MAGI1: variants seen among roughly 807,000 people sequenced by gnomAD.
MAGI1 encodes membrane-associated guanylate kinase, WW and PDZ domain-containing protein 1.
In MAGI1, 58 loss-of-function variants were observed where a neutral mutation model predicts 139.9. That is an observed-to-expected ratio of 0.41 (90% confidence interval 0.34 to 0.52). The LOEUF (loss-of-function observed/expected upper bound fraction) is 0.52. Ranked by LOEUF, MAGI1 falls within the 20% of genes least tolerant of loss-of-function variation. The pLI, the probability that MAGI1 is intolerant of heterozygous loss-of-function variation, is 0.12. For missense variants in MAGI1, 1,874 were observed against 1,901.6 expected, an observed-to-expected ratio of 0.99 and a Z score of 0.27; for synonymous variants, 812 against 737.9, an observed-to-expected ratio of 1.10 and a Z score of -1.63.
chr3:65,769,616 T>C (rs941789967), intron 1 of MAGI1, among the ~76,000 whole-genome samples: 10 of 152,132 alleles, frequency 6.6e-5, no homozygotes, highest in African/African-American at 2.4e-4. Flanking sequence ...GGACATGCAA[T>C]TGAAAAATGA....
chr3:65,431,394 A>C (rs1307763768), intron 10 of MAGI1, among the ~76,000 whole-genome samples: 2 of 152,226 alleles, frequency 1.3e-5, no homozygotes, highest in Non-Finnish European at 2.9e-5. Flanking sequence ...GTCACAAATA[A>C]TAATTTGACA....
At chr3:65,530,808 C>CATATAT (rs2078666311) in intron 2 of MAGI1, among the ~76,000 whole-genome samples, 2 of 66,738 alleles carry the variant, frequency 3.0e-5, no homozygotes, top group East Asian at 6.3e-4. Context: ...TATATATACA[C>CATATAT]ACATATATAT....
chr3:65,437,179 G>T lies in MAGI1; in HGVS notation c.1339C>A (p.Pro447Thr). ...IPNHPPSNPE[P>T]AREVPLQGKP... ...CCCTGAAGTGGAACTTCTCTGGCTG[G>T]CTCTGGATTGCTTGGAGGGTGGTTT... The change falls in exon 10 of 23, where the codon CCA becomes ACA. Residue 447 changes from proline to threonine, a missense_variant. This residue lies in a region of MAGI1 where 648 missense variants were observed against 598.1 expected (regional missense o/e 1.08). Transcript: ENST00000402939. 4.3e-6 allele frequency: 7 copies of T among 1,609,804 alleles called. No homozygotes were observed. Among genetic ancestry groups the T allele is most frequent in the Non-Finnish European group, 6.0e-6 (7 of 1,176,358 alleles).
chr3:66,024,133 A>G lies in MAGI1; in HGVS notation c.313+13863T>C, dbSNP rs74590539. Among the ~76,000 whole-genome samples the G allele has an allele frequency of 5.5e-3, 842 of 152,082 alleles. 13 individuals are homozygous for G. Among genetic ancestry groups the G allele is most frequent in the African/African-American group, 0.019 (807 of 41,488 alleles). ...CTGAGAATACAGAAAGAGTAATGCAATTACTGCTTTTGGAGAGATGAAGTA... is the reference window on the plus strand; with the variant it reads ...CTGAGAATACAGAAAGAGTAATGCAGTTACTGCTTTTGGAGAGATGAAGTA... On this transcript the variant is annotated intron_variant, in intron 1 of 22. Transcript: ENST00000402939.
At chr3:65,459,018 A>G (rs925842088) in intron 5 of MAGI1, among the ~76,000 whole-genome samples, 2 of 152,196 alleles carry the variant, frequency 1.3e-5, no homozygotes, top group African/African-American at 4.8e-5. Context: ...TCATCTGTAT[A>G]TGGATATCCA....
intron 1 of MAGI1, among the ~76,000 whole-genome samples, chr3:65,821,726 T>C (rs976416052): frequency 4.6e-5 from 7 of 152,068 alleles, no homozygotes; most frequent in Non-Finnish European, 7.4e-5. Context: ...CACAATACAG[T>C]CATCAATTTA....
intron 1 of MAGI1, among the ~76,000 whole-genome samples, chr3:65,755,687 G>A (rs2036512609): frequency 6.6e-6 from 1 of 152,120 alleles, no homozygotes; most frequent in Non-Finnish European, 1.5e-5. Context: ...TAATGCTGTA[G>A]TATTTTCTCA....
chr3:65,743,649 G>A lies in MAGI1; in HGVS notation c.314-121561C>T, dbSNP rs145582946. 3.2e-3 allele frequency among the ~76,000 whole-genome samples: 485 copies of A among 152,146 alleles called. 3 individuals are homozygous for A. Among genetic ancestry groups the A allele is most frequent in the African/African-American group, 0.011 (464 of 41,484 alleles). On this transcript the variant is annotated intron_variant, in intron 1 of 22. Transcript: ENST00000402939. ...TGCTTGAACCTGGGAGGCAGAGGCT[G>A]CAGTGAGCTGAGATTGTGCCACTGC...
chr3:65,890,127 A>G (rs1175414230), intron 1 of MAGI1, among the ~76,000 whole-genome samples: 1 of 82,788 alleles, frequency 1.2e-5, no homozygotes, highest in Non-Finnish European at 2.0e-5. Context: ...GCACTTTGGG[A>G]GGCCGAGTGG....
At chr3:65,632,813 T>C (rs2084386664) in intron 1 of MAGI1, among the ~76,000 whole-genome samples, 1 of 152,192 alleles carries the variant, frequency 6.6e-6, no homozygotes, top group African/African-American at 2.4e-5. Flanking sequence ...GTCTAGATGT[T>C]GGTCATGCCT....
At chr3:65,955,774 A>G (rs1198430664) in intron 1 of MAGI1, among the ~76,000 whole-genome samples, 1 of 152,100 alleles carries the variant, frequency 6.6e-6, no homozygotes, top group African/African-American at 2.4e-5. Flanking sequence ...ATCTTCTACA[A>G]TGCCACCATC....
At chr3:65,421,823 T>C (rs182810156) in intron 12 of MAGI1, among the ~76,000 whole-genome samples, 2 of 152,240 alleles carry the variant, frequency 1.3e-5, no homozygotes, top group African/African-American at 4.8e-5. Flanking sequence ...TTACAAGTCT[T>C]AAATCCTCTG....
At chr3:65,493,781 C>T in intron 2 of MAGI1, 150 bp from the exon 3 acceptor site, 3 of 800,190 alleles carry the variant, frequency 3.7e-6, no homozygotes, top group African/African-American at 1.7e-5. Flanking sequence ...ACAGTAAAGG[C>T]AACTTCTTTC....
At chr3:65,381,202 T>A (rs1475347435) in intron 16 of MAGI1, among the ~76,000 whole-genome samples, 1 of 152,158 alleles carries the variant, frequency 6.6e-6, no homozygotes, top group Non-Finnish European at 1.5e-5. Context: ...CAGATTCTGA[T>A]ACAGCAGTAA....
At chr3:65,625,209 G>C (rs1229294057) in intron 1 of MAGI1, among the ~76,000 whole-genome samples, 1 of 152,176 alleles carries the variant, frequency 6.6e-6, no homozygotes, top group South Asian at 2.1e-4. Flanking sequence ...AATAACATTG[G>C]TTTATATATT....
intron 1 of MAGI1, chr3:65,687,648 C>T: frequency 2.1e-6 from 1 of 475,556 alleles, no homozygotes; most frequent in South Asian, 1.7e-5. Flanking sequence ...CTACAGGCCA[C>T]AGTGCAGCTG....
chr3:65,941,542 T>C (rs2063315224), intron 1 of MAGI1, among the ~76,000 whole-genome samples: 1 of 152,080 alleles, frequency 6.6e-6, no homozygotes, highest in African/African-American at 2.4e-5. Context: ...AGTAGCACTC[T>C]CCCAGTTTTG....
At chr3:65,722,210 C>T (rs1039258406) in intron 1 of MAGI1, among the ~76,000 whole-genome samples, 12 of 152,090 alleles carry the variant, frequency 7.9e-5, no homozygotes, top group Admixed American at 7.9e-4. Flanking sequence ...CTTAGTATGT[C>T]GTGATACAAG....
chr3:65,974,317 G>C (rs2065150257), intron 1 of MAGI1, among the ~76,000 whole-genome samples: 1 of 147,118 alleles, frequency 6.8e-6, no homozygotes, highest in African/African-American at 2.5e-5. Flanking sequence ...AGGGAAGAAG[G>C]GAGAGTGGGA....
Sources: allele counts gnomAD v4.1 joint callset (sites outside exome capture counted in the v4.1 genomes callset), GRCh38; gene constraint gnomAD v4.1.1; regional missense constraint gnomAD v4.1.1; transcripts MANE v1.5; gene names NCBI Gene and HGNC (gene_info 2026-07-23, HGNC 2026-07-21).